Variants in SHROOM3 observed in about 807,000 individuals in gnomAD.
SHROOM3 encodes the protein shroom family member 3, also known as protein Shroom3.
SHROOM3 carries 47 observed loss-of-function variants against 138.6 expected under a neutral mutation model. The observed-to-expected ratio is 0.34, with a 90% confidence interval of 0.27 to 0.43. The LOEUF (loss-of-function observed/expected upper bound fraction) is 0.43, where lower values mean the gene tolerates loss of function less well. Among genes scored for constraint, SHROOM3 ranks in the 20% least tolerant of loss-of-function variants. The probability of loss-of-function intolerance (pLI) is 1.00; values close to 1 mark genes in which losing one functional copy is unlikely to be tolerated. For missense variants in SHROOM3, 2,491 were observed against 2,596.5 expected (o/e 0.96, Z 0.88); for synonymous variants, 1,062 against 1,063.3 (o/e 1.00, Z 0.02).
chr4:76,521,104 CT>C (rs908420128), intron 1 of SHROOM3, among the ~76,000 whole-genome samples: 133 of 151,464 alleles, frequency 8.8e-4, no homozygotes, highest in Non-Finnish European at 1.7e-3. Context: ...TAACAGGAGT[CT>C]TTTTTTTTAA....
At chr4:76,628,167 A>G (rs899078860) in intron 2 of SHROOM3, among the ~76,000 whole-genome samples, 2 of 152,178 alleles carry the variant, frequency 1.3e-5, no homozygotes, top group Non-Finnish European at 2.9e-5. Flanking sequence ...GTGAGATATA[A>G]AAAAATTATA....
At chr4:76,519,210 T>C (rs1579208434) in intron 1 of SHROOM3, among the ~76,000 whole-genome samples, 1 of 152,106 alleles carries the variant, frequency 6.6e-6, no homozygotes, top group African/African-American at 2.4e-5. Context: ...GCTATTCCCT[T>C]AAAGGAGGGA....
chr4:76,576,805 A>C (rs1733949866), intron 2 of SHROOM3, among the ~76,000 whole-genome samples: 1 of 152,132 alleles, frequency 6.6e-6, no homozygotes, highest in Non-Finnish European at 1.5e-5. Flanking sequence ...TTAAAAATTA[A>C]AATGTTAAAA....
chr4:76,508,697 A>G (rs1395576460), intron 1 of SHROOM3, among the ~76,000 whole-genome samples: 1 of 152,202 alleles, frequency 6.6e-6, no homozygotes, highest in East Asian at 1.9e-4. Flanking sequence ...GATGTCCTTC[A>G]TTTATTTAGG....
At chr4:76,532,475 T>C (rs1732852430) in intron 1 of SHROOM3, 1 of 152,168 alleles carries the variant, frequency 6.6e-6, no homozygotes, top group Non-Finnish European at 1.5e-5. Context: ...GTACCCCTGA[T>C]CCACAGGGGA....
intron 3 of SHROOM3, 43 bp downstream of exon 3, chr4:76,710,330 C>T (rs1157178199): frequency 1.6e-5 from 25 of 1,611,458 alleles, no homozygotes; most frequent in Non-Finnish European, 2.0e-5. Context: ...GGAAAAAGAA[C>T]CCAGTCCAAA....
intron 1 of SHROOM3, among the ~76,000 whole-genome samples, chr4:76,480,554 C>T (rs1221077862): frequency 6.6e-6 from 1 of 152,078 alleles, no homozygotes; most frequent in Non-Finnish European, 1.5e-5. Context: ...CTTTAACACC[C>T]CACTGTCAAT....
intron 2 of SHROOM3, among the ~76,000 whole-genome samples, chr4:76,699,387 G>A (rs1406496691): frequency 6.6e-6 from 1 of 152,084 alleles, no homozygotes; most frequent in African/African-American, 2.4e-5. Flanking sequence ...TTTACCTTTG[G>A]TTCATCAACT....
At chr4:76,719,198 A>G (rs1720466408) in intron 3 of SHROOM3, among the ~76,000 whole-genome samples, 1 of 152,202 alleles carries the variant, frequency 6.6e-6, no homozygotes, top group Non-Finnish European at 1.5e-5. Context: ...GATCCATGAC[A>G]GTCTTGGGGG....
chr4:76,561,248 T>C (rs1012521859), intron 2 of SHROOM3, among the ~76,000 whole-genome samples: 3 of 152,332 alleles, frequency 2.0e-5, no homozygotes, highest in East Asian at 1.9e-4. Flanking sequence ...AACAATTCTT[T>C]TTTATTTGGC....
At chr4:76,466,266 G>A (rs942093970) in intron 1 of SHROOM3, among the ~76,000 whole-genome samples, 1 of 152,186 alleles carries the variant, frequency 6.6e-6, no homozygotes, top group Non-Finnish European at 1.5e-5. Context: ...GTGAAGCCAT[G>A]ATGGACAGTT....
chr4:76,608,528 GGCATAGCATAGCATAGCATAGCATA>G (rs66571570), intron 2 of SHROOM3, among the ~76,000 whole-genome samples: 2,601 of 113,340 alleles, frequency 0.023, 55 homozygotes, highest in South Asian at 0.034. Context: ...GGACAGAGAT[GGCATAGCATAGCATAGCATAGCATA>G]GCATAGCATA....
At position 76,755,078 on chromosome 4, in the gene SHROOM3, C is replaced by T. The variant is rs761651143; in HGVS notation, c.4595C>T (p.Pro1532Leu). Residue 1532 changes from proline (P) to leucine (L), a missense_variant, in exon 7 of 11, where the codon CCT becomes CTT. Around this residue, in one of 4 missense-constraint regions of SHROOM3, gnomAD observed 470 missense variants for 595.0 expected, o/e 0.79. Coordinates refer to ENST00000296043, the MANE Select transcript of SHROOM3 (RefSeq NM_020859.4). ...TFEPLPPPPPPPPSQETPVYS... is the reference protein window; with the variant it reads ...TFEPLPPPPPLPPSQETPVYS... ...GAACCTCTTCCCCCACCCCCACCTC[C>T]TCCACCGAGTCAGGAAACCCCGGTG... 1.3e-5 allele frequency: 20 copies of T among 1,598,438 alleles called. No individual in the cohort carries two copies. The South Asian group carries it at 2.1e-4, about 17-fold the overall frequency.
intron 8 of SHROOM3, among the ~76,000 whole-genome samples, chr4:76,759,236 C>T (rs1250924699): frequency 6.6e-6 from 1 of 152,174 alleles, no homozygotes; most frequent in Non-Finnish European, 1.5e-5. Context: ...GAGTCAGTGT[C>T]GTTCTTATAT....
chr4:76,599,169 C>G (rs1734451458), intron 2 of SHROOM3, among the ~76,000 whole-genome samples: 1 of 151,998 alleles, frequency 6.6e-6, no homozygotes, highest in Non-Finnish European at 1.5e-5. Context: ...AGAACTTTGC[C>G]ATAGTGTGTG....
chr4:76,449,112 A>AT (rs1347794763), intron 1 of SHROOM3, among the ~76,000 whole-genome samples: 4 of 151,990 alleles, frequency 2.6e-5, no homozygotes, highest in African/African-American at 9.7e-5. Flanking sequence ...TGAAATCAAG[A>AT]TTTTCTCCCT....
chr4:76,454,773 A>G (rs1464439543), intron 1 of SHROOM3, among the ~76,000 whole-genome samples: 2 of 152,196 alleles, frequency 1.3e-5, no homozygotes, highest in Non-Finnish European at 2.9e-5. Flanking sequence ...ATATCTTAAC[A>G]ATATTTTCTT....
rs75863539 is a variant in SHROOM3 at position 76,580,107 on chromosome 4, G to A, written c.323+24344G>A. On this transcript the variant is annotated intron_variant, in intron 2 of 10. Transcript: ENST00000296043. ...CGAAAGGAAAAATGTTCTCTTCACT[G>A]TCAGTTTAAATCATGATTTGAAGCA... Among the ~76,000 whole-genome samples the A allele has an allele frequency of 2.5e-4, 38 of 152,322 alleles. No homozygotes were observed. In the East Asian group the frequency reaches 6.9e-3, roughly 28 times the overall value.
rs1488337350 is a variant in SHROOM3 at position 76,740,312 on chromosome 4, G to C, written c.2139G>C (p.Gly713=). ...DPGRKAAPDL[G]SHLDRQVSYP... is the part of the protein sequence containing the mutation. ...GGAGGAAAGCCGCTCCTGACCTCGG[G>C]AGCCATCTGGACCGGCAGGTTTCCT... The change falls in exon 5 of 11, where the codon GGG becomes GGC. Residue 713 remains glycine, a synonymous_variant. Coordinates refer to ENST00000296043, the MANE Select transcript of SHROOM3 (RefSeq NM_020859.4). This position sits in a 1 kb window ranked among gnomAD's most constrained non-coding sequence, Gnocchi z 4.0. The C allele has an allele frequency of 6.2e-7, 1 of 1,613,138 alleles. No individual in the cohort carries two copies. Among genetic ancestry groups the C allele is most frequent in the Non-Finnish European group, 8.5e-7 (1 of 1,180,030 alleles).
Sources: allele counts gnomAD v4.1 joint callset (sites outside exome capture counted in the v4.1 genomes callset), GRCh38; gene constraint gnomAD v4.1.1; regional missense constraint gnomAD v4.1.1; non-coding constraint Gnocchi (gnomAD v3.1); transcripts MANE v1.5; gene names NCBI Gene and HGNC (gene_info 2026-07-23, HGNC 2026-07-21).